The following DSCAM variants were observed in gnomAD, a reference collection of about 807,000 sequenced individuals.
DSCAM encodes cell adhesion molecule DSCAM.
Under a neutral mutation model 217.7 loss-of-function variants are expected in DSCAM, and 47 were observed. The observed-to-expected ratio is 0.22, with a 90% confidence interval of 0.17 to 0.28. The LOEUF is 0.28. Ranked by LOEUF, DSCAM falls within the 10% of genes least tolerant of loss-of-function variation. DSCAM has a pLI of 1.00. For synonymous variants in DSCAM, 1,056 were observed against 1,015.3 expected (o/e 1.04, Z -0.76); for missense variants, 2,080 against 2,618.3 (o/e 0.79, Z 4.49).
At chr21:40,489,041 A>C (rs377164703) in intron 3 of DSCAM, among the ~76,000 whole-genome samples, 79 of 152,338 alleles carry the variant, frequency 5.2e-4, no homozygotes, top group African/African-American at 1.8e-3. Flanking sequence ...ACACAAAAGT[A>C]ATGCTATAAA....
intron 3 of DSCAM, among the ~76,000 whole-genome samples, chr21:40,467,658 T>C (rs2075855759): frequency 6.6e-6 from 1 of 152,146 alleles, no homozygotes; most frequent in Non-Finnish European, 1.5e-5. Flanking sequence ...TTTGTTAAAA[T>C]ATGGAATATT....
At chr21:40,336,185 A>G (rs997458796) in intron 8 of DSCAM, among the ~76,000 whole-genome samples, 2 of 152,090 alleles carry the variant, frequency 1.3e-5, no homozygotes, top group Non-Finnish European at 2.9e-5. Context: ...TGAGTTGCAA[A>G]TTCGACCAGC....
intron 15 of DSCAM, among the ~76,000 whole-genome samples, chr21:40,175,829 A>G (rs371405606): frequency 2.7e-5 from 4 of 150,462 alleles, no homozygotes; most frequent in Admixed American, 6.6e-5. Flanking sequence ...ACACACGCAC[A>G]CACACATACT....
intron 11 of DSCAM, among the ~76,000 whole-genome samples, chr21:40,239,913 T>TC (rs2073126024): frequency 6.6e-6 from 1 of 152,170 alleles, no homozygotes; most frequent in African/African-American, 2.4e-5. Flanking sequence ...CGCAGGGGCC[T>TC]CTCCAGGCGA....
intron 3 of DSCAM, among the ~76,000 whole-genome samples, chr21:40,532,325 T>G (rs2076453719): frequency 6.6e-6 from 1 of 152,142 alleles, no homozygotes; most frequent in Non-Finnish European, 1.5e-5. Context: ...AAGATCCATC[T>G]TTTTCCTCCT....
At chr21:40,099,433 T>C (rs1425596879) in intron 20 of DSCAM, among the ~76,000 whole-genome samples, 1 of 152,218 alleles carries the variant, frequency 6.6e-6, no homozygotes, top group Non-Finnish European at 1.5e-5. Flanking sequence ...TAGTGGCTCC[T>C]ATTGGTTATT....
At chr21:40,292,185 CTTTT>C (rs11431306) in intron 10 of DSCAM, among the ~76,000 whole-genome samples, 37 of 110,246 alleles carry the variant, frequency 3.4e-4, no homozygotes, top group African/African-American at 4.9e-4. Flanking sequence ...AATGTAATGA[CTTTT>C]TTTTTTTTTT....
chr21:40,315,242 TA>T (rs113013538), intron 8 of DSCAM, among the ~76,000 whole-genome samples: 12,077 of 142,692 alleles, frequency 0.085, 1,033 homozygotes, highest in East Asian at 0.24. Context: ...CTACTAAAAA[TA>T]AAAAAAAAAA....
intron 21 of DSCAM, among the ~76,000 whole-genome samples, chr21:40,092,631 A>C (rs1366328843): frequency 1.3e-5 from 2 of 152,118 alleles, no homozygotes; most frequent in African/African-American, 4.8e-5. Flanking sequence ...ATTATTGCTA[A>C]TCCTATGTGT....
At chr21:40,415,800 A>G (rs2075365659) in intron 3 of DSCAM, among the ~76,000 whole-genome samples, 1 of 151,914 alleles carries the variant, frequency 6.6e-6, no homozygotes, top group African/African-American at 2.4e-5. Flanking sequence ...TCCCCTCTCT[A>G]AACTCTCCCA....
intron 11 of DSCAM, among the ~76,000 whole-genome samples, chr21:40,192,298 T>C (rs2090959909): frequency 6.6e-6 from 1 of 152,264 alleles, no homozygotes; most frequent in Non-Finnish European, 1.5e-5. Context: ...TTTCCATAAA[T>C]ACAATTCGTC....
chr21:40,701,711 T>C (rs2090658592), intron 2 of DSCAM, among the ~76,000 whole-genome samples: 1 of 152,118 alleles, frequency 6.6e-6, no homozygotes, highest in East Asian at 1.9e-4. Context: ...AAAAGAGTGC[T>C]ATTCAGTATT....
intron 1 of DSCAM, among the ~76,000 whole-genome samples, chr21:40,760,008 T>C: frequency 8.1e-6 from 1 of 123,820 alleles, no homozygotes; most frequent in Non-Finnish European, 1.8e-5. Context: ...TATTTATTTA[T>C]TTATGAGACA....
At chr21:40,545,173 G>C (rs892335605) in intron 3 of DSCAM, among the ~76,000 whole-genome samples, 4 of 152,090 alleles carry the variant, frequency 2.6e-5, no homozygotes, top group African/African-American at 9.7e-5. Context: ...CAGTAAGAAG[G>C]CCACCATCTG....
intron 3 of DSCAM, among the ~76,000 whole-genome samples, chr21:40,410,379 A>G (rs1315478122): frequency 5.3e-5 from 8 of 152,116 alleles, no homozygotes; most frequent in African/African-American, 1.2e-4. Flanking sequence ...ATCAAGCAGT[A>G]TAGAATATGT....
intron 16 of DSCAM, among the ~76,000 whole-genome samples, chr21:40,147,696 A>G (rs2090374052): frequency 6.6e-6 from 1 of 152,190 alleles, no homozygotes; most frequent in East Asian, 1.9e-4. Flanking sequence ...GTTTTGCCCC[A>G]CATAGCTGTG....
At chr21:40,829,944 C>A (rs1362370403) in intron 1 of DSCAM, among the ~76,000 whole-genome samples, 1 of 152,098 alleles carries the variant, frequency 6.6e-6, no homozygotes, top group Non-Finnish European at 1.5e-5. Flanking sequence ...ACATTTTTTC[C>A]CACATCTTCC....
At chr21:40,172,245 G>A (rs1450011883) in intron 15 of DSCAM, among the ~76,000 whole-genome samples, 1 of 152,124 alleles carries the variant, frequency 6.6e-6, no homozygotes, top group East Asian at 1.9e-4. Flanking sequence ...CTCCAGTCTG[G>A]GCAACAGAGC....
At chr21:40,124,776 C>T (rs904107908) in intron 19 of DSCAM, among the ~76,000 whole-genome samples, 1 of 152,108 alleles carries the variant, frequency 6.6e-6, no homozygotes, top group Non-Finnish European at 1.5e-5. Flanking sequence ...CTTCTGGCCT[C>T]CAGAACTCAG....
Sources: gnomAD v4.1 joint callset for allele counts (sites outside exome capture counted in the v4.1 genomes callset) on GRCh38, gnomAD v4.1.1 for gene constraint, MANE v1.5 for transcripts, NCBI Gene and HGNC (gene_info 2026-07-23, HGNC 2026-07-21) for gene names.